The following METTL5 variants were observed in gnomAD, a reference collection of about 807,000 sequenced individuals.
METTL5 encodes the protein rRNA N(6)-adenosine-methyltransferase METTL5.
Under a neutral mutation model 26.5 loss-of-function variants are expected in METTL5, and 28 were observed. That is an observed-to-expected ratio of 1.06 (90% CI 0.78 to 1.45). The LOEUF is 1.45. METTL5 is among the 40% of genes most tolerant of loss of function. The pLI is 0.00. For synonymous variants in METTL5, 86 were observed against 82.6 expected, an observed-to-expected ratio of 1.04 and a Z score of -0.22; for missense variants, 231 against 249.9, an observed-to-expected ratio of 0.92 and a Z score of 0.51.
chr2:169,813,404 C>T (rs528249470), intron 5 of METTL5, among the ~76,000 whole-genome samples: 1 of 151,382 alleles, frequency 6.6e-6, no homozygotes, highest in Non-Finnish European at 1.5e-5. Context: ...GTTGGGATTA[C>T]AGGTGTCAGC....
At chr2:169,816,178 T>C (rs1292267938) in intron 4 of METTL5, among the ~76,000 whole-genome samples, 1 of 152,220 alleles carries the variant, frequency 6.6e-6, no homozygotes, top group Non-Finnish European at 1.5e-5. Context: ...TTCATTGATA[T>C]ATACAGCTAG....
In METTL5 at chr2:169,812,455, A is replaced by T; in HGVS notation, c.591+2T>A. The T allele has an allele frequency of 6.2e-7, 1 of 1,614,038 alleles. No homozygotes were observed. The highest frequency in any genetic ancestry group is 8.5e-7 in the Non-Finnish European group (1 of 1,179,976). ...TAGACCAGCCAAAATCAAGAGACTT[A>T]CTGATTTCTTTTTGTGAAACTTGTA... On this transcript the variant is annotated splice_donor_variant, in intron 6 of 6. Transcript: ENST00000260953. LOFTEE classifies it high-confidence loss of function.
At chr2:169,820,308 C>G (rs1361035675) in intron 3 of METTL5, among the ~76,000 whole-genome samples, 1 of 152,160 alleles carries the variant, frequency 6.6e-6, no homozygotes, top group Non-Finnish European at 1.5e-5. Context: ...TCCTTGCCCA[C>G]AGTACACACA....
At chr2:169,824,291 C>G (rs560765133) in intron 1 of METTL5, 198 bp downstream of exon 1, 23 of 536,288 alleles carry the variant, frequency 4.3e-5, no homozygotes, top group African/African-American at 3.2e-4. Flanking sequence ...GAAAACTAGA[C>G]AGTAAAATGA....
chr2:169,815,533 A>G lies in METTL5; in HGVS notation c.490-5T>C. ...TGCAGCTTTCTTTTGAACATGCTGA[A>G]CATAAATAATATGTTGTTATGAGCT... On this transcript the variant is annotated splice_region_variant and splice_polypyrimidine_tract_variant and intron_variant, in intron 4 of 6. Coordinates refer to ENST00000260953, the MANE Select transcript of METTL5 (RefSeq NM_014168.4). 1 of 1,593,638 alleles carries G rather than the reference A, an allele frequency of 6.3e-7. No homozygotes were observed. Among genetic ancestry groups the G allele is most frequent in the Non-Finnish European group, 8.6e-7 (1 of 1,165,108 alleles).
intron 6 of METTL5, 154 bp downstream of exon 6, chr2:169,812,303 C>T (rs3731674): frequency 0.64 from 797,125 of 1,246,422 alleles, 259,878 homozygotes; most frequent in Admixed American, 0.7. Context: ...TTCAGTGGGG[C>T]AATCTCAGCT....
chr2:169,821,189 GT>G lies in METTL5; in HGVS notation c.308del (p.Asp103AlafsTer21). The G allele has an allele frequency of 6.2e-7, 1 of 1,611,568 alleles. No individual in the cohort carries two copies. The highest frequency in any genetic ancestry group is 8.5e-7 in the Non-Finnish European group (1 of 1,178,078). ...ATAAGCACACATCACATTGAACCAT[GT>G]CAATATTTGTTAACTCAAACTCTTC... ...NAEEFELTNI[D>X]MVQCDVCLLS... On this transcript the variant is annotated frameshift_variant, in exon 3 of 7. Coordinates refer to ENST00000260953, the MANE Select transcript of METTL5 (RefSeq NM_014168.4). LOFTEE classifies it high-confidence loss of function.
chr2:169,819,644 C>T lies in METTL5; in HGVS notation c.407-1G>A. ...GTCTTTAGAAAAGCCATATCTGTCC[C>T]TGTGAAGAGTAGAAAAAAAGCTCCT... On this transcript the variant is annotated splice_acceptor_variant, in intron 3 of 6. Transcript: ENST00000260953. LOFTEE classifies it high-confidence loss of function. The T allele has an allele frequency of 6.2e-7, 1 of 1,608,028 alleles. No homozygotes were observed. Among genetic ancestry groups the T allele is most frequent in the East Asian group, 2.2e-5 (1 of 44,724 alleles).
chr2:169,821,224 TATTA>T lies in METTL5; in HGVS notation c.270_273del (p.Phe90LeufsTer9), dbSNP rs2081579395. The T allele has an allele frequency of 6.2e-7, 1 of 1,612,276 alleles. No individual in the cohort carries two copies. The highest frequency in any genetic ancestry group is 8.5e-7 in the Non-Finnish European group (1 of 1,179,278). The stretch of plus-strand genomic sequence containing the variant: ...GTTAACTCAAACTCTTCTGCATTCC[TATTA>T]AATATTTCCAATGCGTCTTCATCTA... On this transcript the variant is annotated frameshift_variant, in exon 3 of 7. Transcript: ENST00000260953. LOFTEE classifies it high-confidence loss of function.
At position 169,815,538 on chromosome 2, in the gene METTL5, AATAAT is replaced by A. The variant is rs765296596; in HGVS notation, c.490-15_490-11del. 7 of 1,581,400 alleles carry A rather than the reference AATAAT, an allele frequency of 4.4e-6. No homozygotes were observed. Among genetic ancestry groups the A allele is most frequent in the Non-Finnish European group, 6.1e-6 (7 of 1,155,712 alleles). ...CTTTCTTTTGAACATGCTGAACATA[AATAAT>A]ATGTTGTTATGAGCTGATTTTTAAA... On this transcript the variant is annotated splice_polypyrimidine_tract_variant and intron_variant, in intron 4 of 6. Transcript: ENST00000260953.
At chr2:169,820,902 T>G (rs2081574646) in intron 3 of METTL5, among the ~76,000 whole-genome samples, 190 bp downstream of exon 3, 1 of 151,738 alleles carries the variant, frequency 6.6e-6, no homozygotes, top group Non-Finnish European at 1.5e-5. Flanking sequence ...TGTGTGTGTG[T>G]GTGTGTGGGT....
intron 6 of METTL5, 130 bp from the exon 7 acceptor site, chr2:169,811,988 TAAA>T: frequency 1.9e-6 from 2 of 1,060,608 alleles, no homozygotes; most frequent in Non-Finnish European, 2.7e-6. Context: ...ATTCTTCCAT[TAAA>T]TTGCCTTTGT....
chr2:169,818,966 G>A (rs1440117076), intron 4 of METTL5, among the ~76,000 whole-genome samples: 1 of 152,132 alleles, frequency 6.6e-6, no homozygotes, highest in Non-Finnish European at 1.5e-5. Context: ...AAAACAGCTG[G>A]GAGGCAGCAG....
chr2:169,823,824 AAATAAT>A (rs147162926), intron 1 of METTL5, among the ~76,000 whole-genome samples: 1 of 152,192 alleles, frequency 6.6e-6, no homozygotes, highest in African/African-American at 2.4e-5. Context: ...TTATCTCAAA[AAATAAT>A]AATAATAAAA....
intron 5 of METTL5, among the ~76,000 whole-genome samples, chr2:169,814,252 C>A (rs1260561942): frequency 6.6e-6 from 1 of 151,784 alleles, no homozygotes; most frequent in African/African-American, 2.4e-5. Flanking sequence ...CTTTGGGAGG[C>A]CGAGGCTGGA....
chr2:169,823,840 A>AT (rs956627649), intron 1 of METTL5, among the ~76,000 whole-genome samples: 7 of 151,550 alleles, frequency 4.6e-5, no homozygotes, highest in South Asian at 4.2e-4. Context: ...TAATAATAAA[A>AT]TTTTTTTCCC....
intron 1 of METTL5, among the ~76,000 whole-genome samples, chr2:169,822,855 G>A (rs1395715895): frequency 6.6e-6 from 1 of 152,100 alleles, no homozygotes; most frequent in African/African-American, 2.4e-5. Flanking sequence ...AATGAGACCT[G>A]ATAATAGAAC....
chr2:169,821,618 T>A (rs747684164), intron 2 of METTL5, among the ~76,000 whole-genome samples: 1 of 152,112 alleles, frequency 6.6e-6, no homozygotes, highest in Non-Finnish European at 1.5e-5. Context: ...ACTCCTGGGC[T>A]CAAGTAATCT....
intron 4 of METTL5, among the ~76,000 whole-genome samples, chr2:169,818,404 A>T (rs2081539365): frequency 6.6e-6 from 1 of 152,184 alleles, no homozygotes; most frequent in Non-Finnish European, 1.5e-5. Flanking sequence ...CATGAATAAG[A>T]CTAGATGCTG....
Sources: allele counts gnomAD v4.1 joint callset (sites outside exome capture counted in the v4.1 genomes callset), GRCh38; gene constraint gnomAD v4.1.1; transcripts MANE v1.5; gene names NCBI Gene and HGNC (gene_info 2026-07-23, HGNC 2026-07-21).